The following SLC25A13 variants were observed in gnomAD, a reference collection of about 807,000 sequenced individuals.
SLC25A13 encodes solute carrier family 25 member 13, also known as electrogenic aspartate/glutamate antiporter SLC25A13, mitochondrial.
Under a neutral mutation model 85.5 loss-of-function variants are expected in SLC25A13, and 70 were observed. That is an observed-to-expected ratio of 0.82 (90% confidence interval 0.68 to 1.00). The LOEUF is 1.00. SLC25A13 is among the 50% of genes least tolerant of loss of function. The pLI, the probability that SLC25A13 is intolerant of heterozygous loss-of-function variation, is 0.00. For synonymous variants in SLC25A13, 259 were observed against 288.7 expected (o/e 0.90, Z 1.04); for missense variants, 765 against 819.8 (o/e 0.93, Z 0.82).
At chr7:96,235,647 C>T (rs1318348323) in intron 3 of SLC25A13, among the ~76,000 whole-genome samples, 8 of 152,088 alleles carry the variant, frequency 5.3e-5, no homozygotes, top group Admixed American at 4.6e-4. Flanking sequence ...TGCAAGAAAG[C>T]TAAGGAGTGT....
At chr7:96,208,704 A>C (rs1263859251) in intron 5 of SLC25A13, 134 bp downstream of exon 5, 10 of 990,096 alleles carry the variant, frequency 1.0e-5, no homozygotes, top group African/African-American at 1.6e-5. Context: ...ACGGGGTTTC[A>C]CCATGTTGGC....
chr7:96,160,011 C>T (rs1032954281), intron 13 of SLC25A13, among the ~76,000 whole-genome samples: 6 of 152,192 alleles, frequency 3.9e-5, no homozygotes, highest in African/African-American at 1.4e-4. Context: ...ACTTACAGGC[C>T]TGTCAAATAT....
At chr7:96,259,612 T>G (rs547023902) in intron 3 of SLC25A13, among the ~76,000 whole-genome samples, 6 of 152,104 alleles carry the variant, frequency 3.9e-5, no homozygotes, top group African/African-American at 1.4e-4. Flanking sequence ...CTGGTGGGAG[T>G]GTAAATCACT....
At chr7:96,287,413 G>A (rs886738008) in intron 2 of SLC25A13, among the ~76,000 whole-genome samples, 9 of 152,166 alleles carry the variant, frequency 5.9e-5, no homozygotes, top group Non-Finnish European at 1.2e-4. Flanking sequence ...AGGGAAGAGA[G>A]TACTTCCCCA....
intron 1 of SLC25A13, among the ~76,000 whole-genome samples, chr7:96,297,745 C>T (rs1177387720): frequency 3.9e-5 from 6 of 152,176 alleles, no homozygotes; most frequent in Non-Finnish European, 2.9e-5. Context: ...ACTACCTGGG[C>T]ATGCCAAAGA....
At chr7:96,185,035 G>C (rs1794576696) in intron 9 of SLC25A13, 24 bp from the exon 10 acceptor site, 2 of 1,593,814 alleles carry the variant, frequency 1.3e-6, no homozygotes, top group Non-Finnish European at 1.7e-6. Context: ...ACAGGAATCA[G>C]AGAGCAGGAA....
At chr7:96,306,079 T>A (rs967902084) in intron 1 of SLC25A13, among the ~76,000 whole-genome samples, 2 of 152,206 alleles carry the variant, frequency 1.3e-5, no homozygotes, top group African/African-American at 4.8e-5. Context: ...GACACCGTTA[T>A]GTCCATTTTA....
chr7:96,196,764 G>A (rs1795079594), intron 5 of SLC25A13, among the ~76,000 whole-genome samples: 1 of 152,222 alleles, frequency 6.6e-6, no homozygotes, highest in Non-Finnish European at 1.5e-5. Flanking sequence ...AAAACACGCA[G>A]TTAGGTGGCT....
Position 96,144,792 on chromosome 7 carries a change from T to C in SLC25A13, c.1452+1764A>G, listed in dbSNP as rs553402774. On this transcript the variant is annotated intron_variant, in intron 14 of 17. Transcript: ENST00000265631. Reference sequence around the variant, plus strand: ...GATGAAAAGCACTAAGTCCCAGTATTGTATCATTTGCAGGTAGTTTAACAG... The same window carrying C: ...GATGAAAAGCACTAAGTCCCAGTATCGTATCATTTGCAGGTAGTTTAACAG... Among the ~76,000 whole-genome samples the C allele has an allele frequency of 1.2e-4, 18 of 152,266 alleles. No homozygotes were observed. The East Asian group carries it at 3.1e-3, about 26-fold the overall frequency.
intron 2 of SLC25A13, among the ~76,000 whole-genome samples, chr7:96,285,835 T>A (rs1333121377): frequency 6.6e-6 from 1 of 152,208 alleles, no homozygotes; most frequent in Non-Finnish European, 1.5e-5. Context: ...AATACACATC[T>A]GTTTAAACTA....
chr7:96,223,145 C>T (rs1796198011), intron 4 of SLC25A13, among the ~76,000 whole-genome samples: 1 of 152,046 alleles, frequency 6.6e-6, no homozygotes, highest in South Asian at 2.1e-4. Context: ...CATTCACAGA[C>T]TCCCTGATAC....
chr7:96,321,788 C>T (rs1389090485), intron 1 of SLC25A13, among the ~76,000 whole-genome samples, 154 bp downstream of exon 1: 1 of 152,200 alleles, frequency 6.6e-6, no homozygotes, highest in Non-Finnish European at 1.5e-5. Flanking sequence ...GAGGAGTGGC[C>T]CCCTCCCTCC....
intron 4 of SLC25A13, among the ~76,000 whole-genome samples, chr7:96,227,423 T>C (rs1172911240): frequency 6.6e-6 from 1 of 152,138 alleles, no homozygotes; most frequent in Non-Finnish European, 1.5e-5. Flanking sequence ...CAGCAGGATG[T>C]TTGTGGAAAT....
Position 96,184,689 on chromosome 7 carries a change from C to A in SLC25A13, c.1018+238G>T, listed in dbSNP as rs567042189. 9 of 627,904 alleles carry A rather than the reference C, an allele frequency of 1.4e-5. No individual in the cohort carries two copies. In the East Asian group the frequency reaches 1.9e-4, roughly 13 times the overall value. 38.9% of individuals were successfully genotyped at this position (627,904 alleles called of 1,614,324 possible). A position where few individuals can be genotyped will look rare whatever the true frequency, so the allele number is the denominator to read the frequency against. ...GCTACAGCCCAACCTCATTAGTAAC[C>A]TGTCTTTGGAAGGCCTGATCTGTAG... On this transcript the variant is annotated intron_variant, in intron 10 of 17. Transcript: ENST00000265631.
Position 96,120,909 on chromosome 7 carries a change from C to T in SLC25A13, c.*282G>A, listed in dbSNP as rs935854981. On this transcript the variant is annotated 3_prime_UTR_variant, in exon 18 of 18. Coordinates refer to ENST00000265631, the MANE Select transcript of SLC25A13 (RefSeq NM_014251.3). Reference sequence around the variant, plus strand: ...GAGTACTAATTTCTATTCTGACTTGCTCCTTTCCCCAAATCATGTTAGTGT... The same window carrying T: ...GAGTACTAATTTCTATTCTGACTTGTTCCTTTCCCCAAATCATGTTAGTGT... 11 of 549,268 alleles carry T rather than the reference C, an allele frequency of 2.0e-5. No homozygotes were observed. The Admixed American group carries it at 2.2e-4, about 11-fold the overall frequency. The allele number at this position is 549,268 out of a possible 1,614,324, so 34.0% of individuals were successfully genotyped here.
intron 2 of SLC25A13, among the ~76,000 whole-genome samples, chr7:96,277,914 C>T (rs1283827421): frequency 6.6e-6 from 1 of 152,072 alleles, no homozygotes; most frequent in Non-Finnish European, 1.5e-5. Context: ...ACAAGCTAAG[C>T]TGGACAGCAA....
intron 4 of SLC25A13, among the ~76,000 whole-genome samples, chr7:96,234,089 T>C (rs1192265888): frequency 2.6e-5 from 4 of 152,216 alleles, no homozygotes; most frequent in Admixed American, 6.5e-5. Flanking sequence ...AAGGGAAACA[T>C]GGTACTTTCC....
At chr7:96,264,455 C>T (rs558160112) in intron 3 of SLC25A13, among the ~76,000 whole-genome samples, 89 of 152,140 alleles carry the variant, frequency 5.8e-4, no homozygotes, top group Non-Finnish European at 9.4e-4. Flanking sequence ...AATCTCACCA[C>T]TACATCTACA....
chr7:96,147,255 C>G (rs376856729), intron 13 of SLC25A13, among the ~76,000 whole-genome samples: 3 of 152,120 alleles, frequency 2.0e-5, no homozygotes, highest in African/African-American at 7.2e-5. Context: ...CTTAGAAACT[C>G]AAGTCAATCA....
Sources: gnomAD v4.1 joint callset for allele counts (sites outside exome capture counted in the v4.1 genomes callset) on GRCh38, gnomAD v4.1.1 for gene constraint, MANE v1.5 for transcripts, NCBI Gene and HGNC (gene_info 2026-07-23, HGNC 2026-07-21) for gene names.